CDK6: variants seen among roughly 807,000 people sequenced by gnomAD.
CDK6 encodes the protein cyclin-dependent kinase 6.
Under a neutral mutation model 37.1 loss-of-function variants are expected in CDK6, and 6 were observed. The observed-to-expected ratio is 0.16, with a 90% CI of 0.09 to 0.32. CDK6 has a LOEUF of 0.32. CDK6 is among the 10% of genes least tolerant of loss of function. The pLI is 1.00. For synonymous variants in CDK6, 160 were observed against 161.3 expected (o/e 0.99, Z 0.06); for missense variants, 224 against 418.9 (o/e 0.53, Z 4.06).
intron 2 of CDK6, among the ~76,000 whole-genome samples, chr7:92,795,397 A>T (rs1800384079): frequency 6.6e-6 from 1 of 152,156 alleles, no homozygotes; most frequent in East Asian, 1.9e-4. Flanking sequence ...ATTTGAGTTC[A>T]TTTAGCTGTC....
intron 5 of CDK6, among the ~76,000 whole-genome samples, chr7:92,650,018 T>C (rs1214858031): frequency 2.0e-5 from 3 of 152,226 alleles, no homozygotes; most frequent in Non-Finnish European, 2.9e-5. Context: ...GCATGTACCA[T>C]TGCCAAAACA....
At chr7:92,789,197 C>A (rs900273517) in intron 2 of CDK6, among the ~76,000 whole-genome samples, 3 of 152,086 alleles carry the variant, frequency 2.0e-5, no homozygotes, top group Admixed American at 1.3e-4. Flanking sequence ...CTGGCAGAAC[C>A]ATCCTTCAAA....
At chr7:92,652,467 AG>A (rs1233451282) in intron 5 of CDK6, among the ~76,000 whole-genome samples, 1 of 152,204 alleles carries the variant, frequency 6.6e-6, no homozygotes, top group Non-Finnish European at 1.5e-5. Flanking sequence ...AGTCAAAGGT[AG>A]GGTAAAATGA....
intron 5 of CDK6, among the ~76,000 whole-genome samples, chr7:92,639,941 A>G (rs1796263261): frequency 6.6e-6 from 1 of 152,222 alleles, no homozygotes; most frequent in East Asian, 1.9e-4. Context: ...AATTCAAATT[A>G]TGGTATAATT....
At chr7:92,723,951 T>A (rs548570011) in intron 4 of CDK6, among the ~76,000 whole-genome samples, 10 of 152,012 alleles carry the variant, frequency 6.6e-5, no homozygotes, top group African/African-American at 2.4e-4. Context: ...CAACTGGGTT[T>A]CCTGTTTTTA....
At position 92,751,573 on chromosome 7, in the gene CDK6, T is replaced by C. The variant is rs143610274; in HGVS notation, c.369+23123A>G. 1.5e-3 allele frequency among the ~76,000 whole-genome samples: 234 copies of C among 152,340 alleles called. 1 individual carries two copies. The highest frequency in any genetic ancestry group is 5.0e-3 in the African/African-American group (209 of 41,598). ...AAACAGCATAAAAACTGTTATCACATACGCAGTTTTATTAACTTTTTGCAA... is the reference window on the plus strand; with the variant it reads ...AAACAGCATAAAAACTGTTATCACACACGCAGTTTTATTAACTTTTTGCAA... On this transcript the variant is annotated intron_variant, in intron 3 of 7. Coordinates refer to ENST00000424848, the MANE Select transcript of CDK6 (RefSeq NM_001145306.2).
At chr7:92,795,606 C>G (rs146970391) in intron 2 of CDK6, among the ~76,000 whole-genome samples, 2 of 151,972 alleles carry the variant, frequency 1.3e-5, no homozygotes, top group Non-Finnish European at 2.9e-5. Context: ...AAGCCCTGTC[C>G]CAGTATGGAT....
At chr7:92,685,115 A>C (rs1383274453) in intron 4 of CDK6, among the ~76,000 whole-genome samples, 2 of 152,254 alleles carry the variant, frequency 1.3e-5, no homozygotes, top group Non-Finnish European at 2.9e-5. Flanking sequence ...GCAGAGATGA[A>C]AGAAAGGATC....
In CDK6 at chr7:92,835,855, CT is replaced by C. The variant is rs772848528; in HGVS notation, c.-368+622del. On this transcript the variant is annotated intron_variant, in intron 1 of 7. Transcript: ENST00000424848. The surrounding 1 kb of genome is among the most constrained non-coding windows in gnomAD (Gnocchi z 4.2). ...CAATATTTTAAATTATAAAAGTAAA[CT>C]TGGAAACTACAGCAAACGTGCGTCT... Among the ~76,000 whole-genome samples, 1 of 152,226 alleles carries C rather than the reference CT, an allele frequency of 6.6e-6. No individual in the cohort carries two copies.
chr7:92,731,210 G>A (rs1343131439), intron 3 of CDK6, among the ~76,000 whole-genome samples: 1 of 152,168 alleles, frequency 6.6e-6, no homozygotes, highest in Non-Finnish European at 1.5e-5. Context: ...AATGAACAAT[G>A]AGCTTCAAAG....
intron 5 of CDK6, among the ~76,000 whole-genome samples, chr7:92,649,183 A>G (rs994014583): frequency 6.6e-6 from 1 of 152,242 alleles, no homozygotes; most frequent in Non-Finnish European, 1.5e-5. Context: ...CGTGTTTCCC[A>G]AATTTTTAGT....
At chr7:92,822,135 C>A (rs1158930851) in intron 2 of CDK6, among the ~76,000 whole-genome samples, 2 of 151,992 alleles carry the variant, frequency 1.3e-5, no homozygotes, top group Non-Finnish European at 2.9e-5. Context: ...GAATCTTAAA[C>A]CATGTTCACA....
chr7:92,636,307 C>T (rs967793130), intron 5 of CDK6, among the ~76,000 whole-genome samples: 1 of 152,080 alleles, frequency 6.6e-6, no homozygotes, highest in African/African-American at 2.4e-5. Context: ...CGATCTGCTG[C>T]CTTAGCCTCG....
intron 4 of CDK6, among the ~76,000 whole-genome samples, chr7:92,674,731 C>A (rs983636507): frequency 6.6e-6 from 1 of 152,218 alleles, no homozygotes; most frequent in Non-Finnish European, 1.5e-5. Context: ...AAGGCACACA[C>A]TTATCTTTCT....
rs946310281 is a variant in CDK6, at chr7:92,610,312, A to G, written c.*4828T>C. 2 of 232,182 alleles carry G rather than the reference A, an allele frequency of 8.6e-6. No homozygotes were observed. Among genetic ancestry groups the G allele is most frequent in the African/African-American group, 4.4e-5 (2 of 45,306 alleles). The allele number at this position is 232,182 out of a possible 1,614,324, so 14.4% of individuals were successfully genotyped here. ...AGACAAGGTAACAATATGTTGAAGG[A>G]AGTCCACTTCTACTCATTTAGCTAA... is the stretch of plus-strand genomic sequence containing the variant. On this transcript the variant is annotated 3_prime_UTR_variant, in exon 8 of 8. Coordinates refer to ENST00000424848, the MANE Select transcript of CDK6 (RefSeq NM_001145306.2).
intron 2 of CDK6, among the ~76,000 whole-genome samples, chr7:92,824,570 A>G (rs1263209268): frequency 6.6e-6 from 1 of 152,088 alleles, no homozygotes; most frequent in Non-Finnish European, 1.5e-5. Flanking sequence ...ACCCAAATGA[A>G]AGATTATTTT....
At chr7:92,713,603 G>A (rs1798152028) in intron 4 of CDK6, among the ~76,000 whole-genome samples, 1 of 146,046 alleles carries the variant, frequency 6.8e-6, no homozygotes, top group Non-Finnish European at 1.5e-5. Context: ...TGTACTGAAA[G>A]CTGAAGAAAT....
rs1795461332 is a variant in CDK6 at position 92,607,755 on chromosome 7, G to C, written c.*7385C>G. The C allele has an allele frequency of 4.3e-6, 1 of 231,486 alleles. No homozygotes were observed. Among genetic ancestry groups the C allele is most frequent in the East Asian group, 6.1e-5 (1 of 16,308 alleles). 14.3% of individuals were successfully genotyped at this position (231,486 alleles called of 1,614,324 possible). ...CCCCGCCTGTCAGGTGCTGTTCCTGGGGGTAGCTGATGCTATAAATTCCAT... is the reference window on the plus strand; with the variant it reads ...CCCCGCCTGTCAGGTGCTGTTCCTGCGGGTAGCTGATGCTATAAATTCCAT... On this transcript the variant is annotated 3_prime_UTR_variant, in exon 8 of 8. Coordinates refer to ENST00000424848, the MANE Select transcript of CDK6 (RefSeq NM_001145306.2).
chr7:92,833,934 G>A lies in CDK6; in HGVS notation c.-367-244C>T, dbSNP rs1160549841. Reference sequence around the variant, plus strand: ...GGAGAGGTTGCAGGGGCCCCTCGGGGATGAGCGAGCGGCGCGGGACGCAGT... The same window carrying A: ...GGAGAGGTTGCAGGGGCCCCTCGGGAATGAGCGAGCGGCGCGGGACGCAGT... On this transcript the variant is annotated intron_variant, in intron 1 of 7. Coordinates refer to ENST00000424848, the MANE Select transcript of CDK6 (RefSeq NM_001145306.2). This position sits in a 1 kb window ranked among gnomAD's most constrained non-coding sequence, Gnocchi z 6.1. The A allele has an allele frequency of 1.0e-5, 4 of 398,808 alleles. No homozygotes were observed. The highest frequency in any genetic ancestry group is 1.8e-5 in the Non-Finnish European group (4 of 226,320). 24.7% of individuals were successfully genotyped at this position (398,808 alleles called of 1,614,324 possible).
Sources: gnomAD v4.1 joint callset for allele counts (sites outside exome capture counted in the v4.1 genomes callset) on GRCh38, gnomAD v4.1.1 for gene constraint, Gnocchi (gnomAD v3.1) non-coding constraint, MANE v1.5 for transcripts, NCBI Gene and HGNC (gene_info 2026-07-23, HGNC 2026-07-21) for gene names.